DVL1: variants seen among roughly 807,000 people sequenced by gnomAD.
The protein encoded by DVL1 is dishevelled segment polarity protein 1, also known as segment polarity protein dishevelled homolog DVL-1.
A neutral mutation model predicts 65.0 loss-of-function variants in DVL1; 49 were observed. The ratio of observed to expected loss-of-function variants is 0.75; its 90% CI spans 0.60 to 0.96. The LOEUF (loss-of-function observed/expected upper bound fraction) is 0.96. DVL1 is among the 40% of genes least tolerant of loss of function. The probability of loss-of-function intolerance (pLI) is 0.00; values close to 1 mark genes in which losing one functional copy is unlikely to be tolerated. For missense variants in DVL1, 1,197 were observed against 1,045.4 expected, an observed-to-expected ratio of 1.15 and a Z score of -2.00; for synonymous variants, 608 against 433.9, an observed-to-expected ratio of 1.40 and a Z score of -4.99.
rs1439190600 is a variant in DVL1, at chr1:1,342,448, AC to A, written c.276del (p.Ser93ProfsTer148). 1 of 1,607,116 alleles carries A rather than the reference AC, an allele frequency of 6.2e-7. No individual in the cohort carries two copies. The highest frequency in any genetic ancestry group is 8.5e-7 in the Non-Finnish European group (1 of 1,177,938). On this transcript the variant is annotated frameshift_variant, in exon 3 of 15. Coordinates refer to ENST00000378888, the MANE Select transcript of DVL1 (RefSeq NM_001330311.2). LOFTEE classifies it high-confidence loss of function. ...VLAEGAHSDA[G>X]SQGTDSHTDL... ...TCTGTGTGGCTGTCCGTGCCCTGGG[AC>A]CCCGCATCCGAGTGAGCACCCTCAG...
In DVL1 at chr1:1,340,167, G is replaced by A. The variant is rs143130884; in HGVS notation, c.780C>T (p.His260=). 3.2e-4 allele frequency: 524 copies of A among 1,613,636 alleles called. No homozygotes were observed. Among genetic ancestry groups the A allele is most frequent in the Non-Finnish European group, 4.0e-4 (475 of 1,179,986 alleles). The change falls in exon 8 of 15, where the codon CAC becomes CAT. Residue 260 remains histidine, a synonymous_variant. Transcript: ENST00000378888. ...GCCCCACGATGCTGATGCCCAGAAA[G>A]TGATGTCTTTCTGCAGGAAGAGCCA... is the stretch of plus-strand genomic sequence containing the variant. ...VTVTLNMERH[H]FLGISIVGQS...
At chr1:1,346,920 A>G (rs1367186216) in intron 1 of DVL1, among the ~76,000 whole-genome samples, 1 of 152,204 alleles carries the variant, frequency 6.6e-6, no homozygotes, top group East Asian at 1.9e-4. Context: ...CGCTTAAGCT[A>G]AAGTATTACT....
chr1:1,346,846 T>A (rs904593821), intron 1 of DVL1, among the ~76,000 whole-genome samples: 12 of 152,140 alleles, frequency 7.9e-5, no homozygotes, highest in South Asian at 2.1e-4. Flanking sequence ...AGGACCTGCC[T>A]TCTCTTCCCC....
In DVL1 at chr1:1,338,637, C is replaced by G; in HGVS notation, c.1224G>C (p.Pro408=). 1 of 1,610,586 alleles carries G rather than the reference C, an allele frequency of 6.2e-7. No individual in the cohort carries two copies. The highest frequency in any genetic ancestry group is 2.2e-5 in the East Asian group (1 of 44,874). ...VPGAPQLEEA[P]LTVKSDMSAV... ...CGCTCATGTCACTCTTCACCGTCAG[C>G]GGCGCCTCTTCCAGCTCTGCAAAGC... The change falls in exon 12 of 15, where the codon CCG becomes CCC. Residue 408 remains proline (P), a synonymous_variant. Transcript: ENST00000378888.
chr1:1,340,412 G>C lies in DVL1; in HGVS notation c.697C>G (p.Arg233Gly), dbSNP rs745907818. 6.2e-7 allele frequency: 1 copy of C among 1,609,426 alleles called. No homozygotes were observed. Among genetic ancestry groups the C allele is most frequent in the Non-Finnish European group, 8.5e-7 (1 of 1,178,642 alleles). The change falls in exon 6 of 15, where the codon CGG becomes GGG. Residue 233 changes from arginine to glycine, a missense_variant and splice_region_variant. Physicochemically the swap from Arg to Gly is moderately radical, Grantham distance 125 (BLOSUM62 -2). Coordinates refer to ENST00000378888, the MANE Select transcript of DVL1 (RefSeq NM_001330311.2). The stretch of plus-strand genomic sequence containing the variant: ...CCCTGCTCCACCCGGCTGCCTACCC[G>C]GTCCGCCTGCCGAAGGCGCTGCTTC... The part of the protein sequence containing the change: ...RRKQRLRQAD[R>G]ASSFSSITDS...
intron 14 of DVL1, 149 bp downstream of exon 14, chr1:1,337,828 A>C: frequency 1.3e-6 from 1 of 743,352 alleles, no homozygotes; most frequent in Non-Finnish European, 2.4e-6. Flanking sequence ...TGGGGTCAGC[A>C]GAGAAGCAGG....
chr1:1,339,057 G>A (rs907963682), intron 11 of DVL1, among the ~76,000 whole-genome samples: 6 of 152,168 alleles, frequency 3.9e-5, no homozygotes, highest in Non-Finnish European at 7.3e-5. Flanking sequence ...GGTGCTCCCC[G>A]CATAGGGGCC....
Position 1,341,702 on chromosome 1 carries a change from G to A in DVL1, c.570C>T (p.Ser190=), listed in dbSNP as rs749141782. The A allele has an allele frequency of 1.2e-6, 2 of 1,610,994 alleles. No individual in the cohort carries two copies. Among genetic ancestry groups the A allele is most frequent in the Non-Finnish European group, 1.7e-6 (2 of 1,178,392 alleles). ...TALSSELESS[S]FVDSDEDGST... ...TGCCATCCTCGTCCGAGTCCACAAA[G>A]CTGCTGGACTCAAGCTCGCTGCTGA... The change falls in exon 5 of 15, where the codon AGC becomes AGT. Residue 190 remains serine, a synonymous_variant. Coordinates refer to ENST00000378888, the MANE Select transcript of DVL1 (RefSeq NM_001330311.2).
At chr1:1,339,193 C>A in intron 11 of DVL1, 94 bp downstream of exon 11, 1 of 1,490,094 alleles carries the variant, frequency 6.7e-7, no homozygotes, top group Non-Finnish European at 9.1e-7. Flanking sequence ...GTGTCACAGC[C>A]CCATGACGGC....
rs779576393 is a variant in DVL1 at position 1,336,343 on chromosome 1, G to C, written c.1887C>G (p.Ser629Arg). ...RPAGQLSRGS[S>R]PRSQASATAP... ...CGGTAGCCGAGGCCTGACTGCGTGG[G>C]CTGCTGCCACGGCTGAGCTGGCCGG... Residue 629 changes from serine to arginine, a missense_variant, in exon 15 of 15, where the codon AGC becomes AGG. Coordinates refer to ENST00000378888, the MANE Select transcript of DVL1 (RefSeq NM_001330311.2). 2 of 1,592,692 alleles carry C rather than the reference G, an allele frequency of 1.3e-6. No individual in the cohort carries two copies. The highest frequency in any genetic ancestry group is 3.4e-5 in the Admixed American group (2 of 59,162).
rs1643969814 is a variant in DVL1, at chr1:1,348,940, C to T, written c.126G>A (p.Val42=). The T allele has an allele frequency of 1.9e-6, 3 of 1,573,814 alleles. No individual in the cohort carries two copies. Among genetic ancestry groups the T allele is most frequent in the East Asian group, 2.4e-5 (1 of 41,180 alleles). ...DFKNVLSNRP[V]HAYKFFFKSM... is the part of the protein sequence containing the mutation. Reference sequence around the variant, plus strand: ...ACTTAAAGAAGAATTTGTAGGCGTGCACGGGCCGGTTGCTGAGCACGTTCT... The same window carrying T: ...ACTTAAAGAAGAATTTGTAGGCGTGTACGGGCCGGTTGCTGAGCACGTTCT... The change falls in exon 1 of 15, where the codon GTG becomes GTA. Residue 42 remains valine (V), a synonymous_variant. Transcript: ENST00000378888.
intron 1 of DVL1, among the ~76,000 whole-genome samples, chr1:1,348,678 C>A (rs991514445): frequency 1.3e-5 from 2 of 152,150 alleles, no homozygotes; most frequent in African/African-American, 4.8e-5. Flanking sequence ...GGGCCAGGGA[C>A]GCCGGGAACC....
Position 1,338,405 on chromosome 1 carries a change from G to T in DVL1, c.1371C>A (p.His457Gln). The T allele has an allele frequency of 1.2e-6, 2 of 1,612,564 alleles. No homozygotes were observed. Among genetic ancestry groups the T allele is most frequent in the South Asian group, 1.1e-5 (1 of 91,070 alleles). The part of the protein sequence containing the change: ...GADVVDWLYT[H>Q]VEGFKERREA... The stretch of plus-strand genomic sequence containing the variant: ...CCCGCCGCTCCTTGAAGCCCTCCAC[G>T]TGTGTGTACAGCCAGTCCACCACGT... Residue 457 changes from histidine to glutamine, a missense_variant, in exon 13 of 15, where the codon CAC (histidine) becomes CAA (glutamine). Physicochemically the swap from His to Gln is conservative, Grantham distance 24. Coordinates refer to ENST00000378888, the MANE Select transcript of DVL1 (RefSeq NM_001330311.2).
At chr1:1,340,592 G>A (rs1643765597) in intron 5 of DVL1, 89 bp from the exon 6 acceptor site, 4 of 1,405,560 alleles carry the variant, frequency 2.8e-6, no homozygotes, top group Admixed American at 2.0e-5. Flanking sequence ...GGGAATCGGG[G>A]GTCTAGGCCA....
At chr1:1,348,442 T>C (rs900496472) in intron 1 of DVL1, among the ~76,000 whole-genome samples, 22 of 152,174 alleles carry the variant, frequency 1.4e-4, no homozygotes, top group African/African-American at 4.6e-4. Context: ...GGAGAACCTG[T>C]CTTGACCCTC....
rs1446993602 is a variant in DVL1, at chr1:1,339,328, G to A, written c.1166C>T (p.Thr389Ile). The change falls in exon 11 of 15, where the codon ACC becomes ATC. Residue 389 changes from threonine to isoleucine, a missense_variant. Physicochemically the swap from Thr to Ile is moderately conservative, Grantham distance 89 (BLOSUM62 -1). Transcript: ENST00000378888. The part of the protein sequence containing the change: ...TSPCSSAVTR[T>I]SSSSLTSSVP... ...GGAGCTGGTTAGTGAGGAGGAGCTGGTGCGCGTGACGGCGCTGGAGCAGGG... is the reference window on the plus strand; with the variant it reads ...GGAGCTGGTTAGTGAGGAGGAGCTGATGCGCGTGACGGCGCTGGAGCAGGG... 4.5e-6 allele frequency: 7 copies of A among 1,548,538 alleles called. No homozygotes were observed. Among genetic ancestry groups the A allele is most frequent in the African/African-American group, 2.7e-5 (2 of 72,988 alleles).
chr1:1,341,593 G>GACAT (rs1553174609), intron 5 of DVL1, 74 bp downstream of exon 5: 81 of 1,510,622 alleles, frequency 5.4e-5, no homozygotes, highest in Admixed American at 1.4e-4. Flanking sequence ...ACCTCATGCA[G>GACAT]ACACATGCAC....
At chr1:1,341,190 TGCACAC>T (rs1295913611) in intron 5 of DVL1, among the ~76,000 whole-genome samples, 1 of 131,470 alleles carries the variant, frequency 7.6e-6, no homozygotes, top group African/African-American at 2.9e-5. Context: ...CACGCACATC[TGCACAC>T]GCACACCTGC....
rs1643854962 is a variant in DVL1, at chr1:1,342,122, T to C, written c.397A>G (p.Asn133Asp). The C allele has an allele frequency of 1.3e-6, 2 of 1,590,552 alleles. No homozygotes were observed. The highest frequency in any genetic ancestry group is 2.3e-5 in the South Asian group (2 of 87,452). Residue 133 changes from asparagine to aspartate, a missense_variant, in exon 4 of 15, where the codon AAC (asparagine) becomes GAC (aspartate). By Grantham distance (23) the Asn-to-Asp change is conservative. Coordinates refer to ENST00000378888, the MANE Select transcript of DVL1 (RefSeq NM_001330311.2). ...NVASSRDGMD[N>D]ETGTESMVSH... ...ACCATGGACTCCGTGCCTGTCTCGT[T>C]GTCCATCCCGTCACGGCTGCTGGCC...
Sources: gnomAD v4.1 joint callset for allele counts (sites outside exome capture counted in the v4.1 genomes callset) on GRCh38, gnomAD v4.1.1 for gene constraint, MANE v1.5 for transcripts, NCBI Gene and HGNC (gene_info 2026-07-23, HGNC 2026-07-21) for gene names.